The following ABCA13 variants were observed in gnomAD, a reference collection of about 807,000 sequenced individuals.
The protein encoded by ABCA13 is ATP-binding cassette sub-family A member 13.
In ABCA13, 476 loss-of-function variants were observed where a neutral mutation model predicts 478.7. That is an observed-to-expected ratio of 0.99 (90% confidence interval 0.92 to 1.07). The LOEUF (loss-of-function observed/expected upper bound fraction) is 1.07, where lower values mean the gene tolerates loss of function less well. Ranked by LOEUF, ABCA13 falls within the 50% of genes least tolerant of loss-of-function variation. ABCA13 has a pLI of 0.00. For synonymous variants in ABCA13, 2,252 were observed against 2,158.9 expected (o/e 1.04, Z -1.20); for missense variants, 6,060 against 5,910.6 (o/e 1.03, Z -0.83).
At chr7:48,465,289 C>T (rs535754988) in intron 43 of ABCA13, among the ~76,000 whole-genome samples, 5 of 152,270 alleles carry the variant, frequency 3.3e-5, no homozygotes, top group African/African-American at 4.8e-5. Flanking sequence ...TCTATGTGTA[C>T]GGTCACACTG....
At chr7:48,557,974 T>C (rs1348994182) in intron 55 of ABCA13, among the ~76,000 whole-genome samples, 3 of 152,138 alleles carry the variant, frequency 2.0e-5, no homozygotes, top group African/African-American at 7.2e-5. Flanking sequence ...CTTATATGCG[T>C]GCTTCATTCT....
In ABCA13 at chr7:48,645,617, C is replaced by A; in HGVS notation, c.*105C>A. On this transcript the variant is annotated 3_prime_UTR_variant, in exon 62 of 62. Transcript: ENST00000435803. ...CAATCAAGGAGCTGGAACACACTCTCCAGGCCGTCAAATTATTCTCTTGTT... is the reference window on the plus strand; with the variant it reads ...CAATCAAGGAGCTGGAACACACTCTACAGGCCGTCAAATTATTCTCTTGTT... 1 of 866,548 alleles carries A rather than the reference C, an allele frequency of 1.2e-6. No individual in the cohort carries two copies. Among genetic ancestry groups the A allele is most frequent in the Non-Finnish European group, 1.8e-6 (1 of 561,608 alleles). 53.7% of individuals were successfully genotyped at this position (866,548 alleles called of 1,614,324 possible).
chr7:48,250,784 A>G (rs1170545163), intron 15 of ABCA13, among the ~76,000 whole-genome samples: 10 of 151,914 alleles, frequency 6.6e-5, no homozygotes, highest in Admixed American at 6.6e-4. Context: ...CTGCTTTTTT[A>G]CTCTAGAGCT....
chr7:48,615,105 G>T (rs531855386), intron 58 of ABCA13, among the ~76,000 whole-genome samples, 180 bp from the exon 59 acceptor site: 1 of 151,220 alleles, frequency 6.6e-6, no homozygotes, highest in South Asian at 2.1e-4. Flanking sequence ...AAAATTGGCT[G>T]TCTAAATAAA....
intron 55 of ABCA13, among the ~76,000 whole-genome samples, chr7:48,533,535 ATTGTTTCT>A (rs1190261928): frequency 1.3e-5 from 2 of 151,908 alleles, no homozygotes; most frequent in African/African-American, 4.8e-5. Context: ...GTTTAAGTCC[ATTGTTTCT>A]TTGTTGACTT....
At chr7:48,219,599 A>C in intron 4 of ABCA13, 94 bp downstream of exon 4, 52 of 1,455,414 alleles carry the variant, frequency 3.6e-5, no homozygotes, top group Non-Finnish European at 4.2e-5. Context: ...CTAAATGCTC[A>C]ACTCCTGCCT....
In ABCA13 at chr7:48,338,454, C is replaced by T. The variant is rs1044000165; in HGVS notation, c.10203C>T (p.Tyr3401=). ...VDKLTEKLQT[Y]GGLLDEMFNH... is the part of the protein sequence containing the mutation. ...AACTTACTGAAAAACTCCAGACATA[C>T]GGTAAGTGTGCTGATGGGCATGGTA... is the stretch of plus-strand genomic sequence containing the variant. Residue 3401 remains tyrosine (Y), a splice_region_variant and synonymous_variant, in exon 29 of 62, where the codon TAC becomes TAT. Transcript: ENST00000435803. 2.1e-5 allele frequency: 34 copies of T among 1,585,360 alleles called. No individual in the cohort carries two copies. The highest frequency in any genetic ancestry group is 1.2e-4 in the Admixed American group (7 of 56,880).
At chr7:48,561,813 T>C (rs1258297213) in intron 55 of ABCA13, among the ~76,000 whole-genome samples, 3 of 150,652 alleles carry the variant, frequency 2.0e-5, no homozygotes, top group Non-Finnish European at 4.4e-5. Flanking sequence ...ACCAAAGTCA[T>C]GTAGTTTTTT....
chr7:48,441,587 CCTGCAA>C (rs1344109138), intron 42 of ABCA13, among the ~76,000 whole-genome samples: 1 of 152,152 alleles, frequency 6.6e-6, no homozygotes, highest in Non-Finnish European at 1.5e-5. Context: ...AAGACCGATG[CCTGCAA>C]CTGCACTTTT....
At chr7:48,474,108 G>A (rs1220889514) in intron 45 of ABCA13, among the ~76,000 whole-genome samples, 1 of 151,782 alleles carries the variant, frequency 6.6e-6, no homozygotes, top group Non-Finnish European at 1.5e-5. Flanking sequence ...ATTCACTTTA[G>A]GGGCAAAGGG....
At chr7:48,187,671 T>C (rs755577478) in intron 1 of ABCA13, among the ~76,000 whole-genome samples, 1 of 152,120 alleles carries the variant, frequency 6.6e-6, no homozygotes, top group African/African-American at 2.4e-5. Flanking sequence ...ATTTTCTTTT[T>C]ATGGTTTCTA....
At chr7:48,225,111 GCC>G (rs1787971383) in intron 5 of ABCA13, among the ~76,000 whole-genome samples, 1 of 87,964 alleles carries the variant, frequency 1.1e-5, no homozygotes. Flanking sequence ...ATGCGTGCGT[GCC>G]TGCCTGCCTG....
intron 55 of ABCA13, among the ~76,000 whole-genome samples, chr7:48,579,761 G>A (rs1289917429): frequency 1.3e-5 from 2 of 152,152 alleles, no homozygotes; most frequent in Non-Finnish European, 2.9e-5. Flanking sequence ...GGCAGGGGAG[G>A]CCAGCTATGG....
chr7:48,330,945 G>T (rs1016509234), intron 27 of ABCA13, among the ~76,000 whole-genome samples: 6 of 152,118 alleles, frequency 3.9e-5, no homozygotes, highest in African/African-American at 1.4e-4. Flanking sequence ...AAGTGAAAAA[G>T]AAATATTTTT....
In ABCA13 at chr7:48,274,036, A is replaced by G; in HGVS notation, c.4370A>G (p.Asn1457Ser). 1 of 1,605,836 alleles carries G rather than the reference A, an allele frequency of 6.2e-7. No homozygotes were observed. The highest frequency in any genetic ancestry group is 8.5e-7 in the Non-Finnish European group (1 of 1,174,014). ...PLCSSNGSHI[N>S]CVNIYLKDVT... ...TGTTCATCAAATGGCTCACATATAA[A>G]TTGTGTCAATATTTACTTGAAAGAT... The change falls in exon 17 of 62, where the codon AAT (asparagine) becomes AGT (serine). Residue 1457 changes from asparagine (N) to serine (S), a missense_variant. Transcript: ENST00000435803.
chr7:48,509,362 G>A (rs1019880352), intron 50 of ABCA13, among the ~76,000 whole-genome samples: 4 of 152,118 alleles, frequency 2.6e-5, no homozygotes, highest in Non-Finnish European at 4.4e-5. Flanking sequence ...TCTGCCGTCT[G>A]TCATTTAACA....
chr7:48,343,792 T>C (rs576705906), intron 29 of ABCA13, among the ~76,000 whole-genome samples: 1 of 152,224 alleles, frequency 6.6e-6, no homozygotes, highest in East Asian at 1.9e-4. Flanking sequence ...TTTCTGGTTG[T>C]TCTTGGAAGG....
intron 48 of ABCA13, among the ~76,000 whole-genome samples, chr7:48,504,551 G>C (rs1305816898): frequency 6.6e-6 from 1 of 152,134 alleles, no homozygotes; most frequent in East Asian, 1.9e-4. Flanking sequence ...GTGTGTGTGT[G>C]TATATTTAGG....
At chr7:48,288,129 C>T in intron 20 of ABCA13, 51 bp downstream of exon 20, 1 of 1,492,470 alleles carries the variant, frequency 6.7e-7, no homozygotes, top group East Asian at 2.3e-5. Flanking sequence ...ACTATTGGCC[C>T]TTGCAAGGCA....
Sources: gnomAD v4.1 joint callset for allele counts (sites outside exome capture counted in the v4.1 genomes callset) on GRCh38, gnomAD v4.1.1 for gene constraint, MANE v1.5 for transcripts, NCBI Gene and HGNC (gene_info 2026-07-23, HGNC 2026-07-21) for gene names.